Variants in NFATC3 observed in about 807,000 individuals in gnomAD.
The protein encoded by NFATC3 is nuclear factor of activated T-cells, cytoplasmic 3.
NFATC3 carries 46 observed loss-of-function variants against 98.6 expected under a neutral mutation model. That is an observed-to-expected ratio of 0.47 (90% CI 0.37 to 0.60). NFATC3 has a LOEUF of 0.60. Ranked by LOEUF, NFATC3 falls within the 20% of genes least tolerant of loss-of-function variation. The pLI, the probability that NFATC3 is intolerant of heterozygous loss-of-function variation, is 0.00. For synonymous variants in NFATC3, 512 were observed against 472.2 expected (o/e 1.08, Z -1.09); for missense variants, 1,256 against 1,295.5 (o/e 0.97, Z 0.47).
chr16:68,114,746 T>C (rs1429584653), intron 1 of NFATC3, among the ~76,000 whole-genome samples: 2 of 152,106 alleles, frequency 1.3e-5, no homozygotes, highest in Middle Eastern at 3.4e-3. Context: ...AGATAATTTT[T>C]GTATGTTTAG....
intron 1 of NFATC3, among the ~76,000 whole-genome samples, chr16:68,103,322 C>T (rs555783572): frequency 1.3e-5 from 2 of 152,208 alleles, no homozygotes; most frequent in East Asian, 3.9e-4. Flanking sequence ...TAGCTTCCCA[C>T]CTCAGCCTTC....
chr16:68,128,429 TAAAG>T (rs1321983305), intron 3 of NFATC3, among the ~76,000 whole-genome samples: 1 of 152,152 alleles, frequency 6.6e-6, no homozygotes, highest in Non-Finnish European at 1.5e-5. Context: ...TTCATTTTGA[TAAAG>T]TAAGCAGATT....
intron 1 of NFATC3, among the ~76,000 whole-genome samples, chr16:68,118,829 G>A (rs1334252554): frequency 1.3e-5 from 2 of 152,076 alleles, no homozygotes; most frequent in East Asian, 3.9e-4. Flanking sequence ...TTCAGTAATT[G>A]CTGTTCTTTC....
intron 9 of NFATC3, chr16:68,217,824 C>A (rs1041655408): frequency 8.1e-7 from 1 of 1,231,042 alleles, no homozygotes; most frequent in Non-Finnish European, 1.0e-6. Flanking sequence ...ATACGTACAT[C>A]GCTTTTGCTC....
chr16:68,154,491 C>T (rs1309396493), intron 3 of NFATC3, among the ~76,000 whole-genome samples: 1 of 152,106 alleles, frequency 6.6e-6, no homozygotes, highest in Non-Finnish European at 1.5e-5. Context: ...TTCATAGAGG[C>T]TTAATTGATT....
chr16:68,140,277 G>A (rs958916700), intron 3 of NFATC3, among the ~76,000 whole-genome samples: 1 of 152,102 alleles, frequency 6.6e-6, no homozygotes, highest in Non-Finnish European at 1.5e-5. Context: ...GAGCCACTGC[G>A]CCTGGCCAGA....
At chr16:68,167,790 ATC>A (rs1361707229) in intron 5 of NFATC3, among the ~76,000 whole-genome samples, 1 of 72,692 alleles carries the variant, frequency 1.4e-5, no homozygotes, top group Non-Finnish European at 3.2e-5. Context: ...AATGTTTTAT[ATC>A]TGTTAACCGT....
chr16:68,177,103 C>T (rs551625165), intron 6 of NFATC3, among the ~76,000 whole-genome samples: 54 of 150,838 alleles, frequency 3.6e-4, no homozygotes, highest in African/African-American at 9.7e-4. Context: ...CATGCAATGC[C>T]GTGGTGTGGT....
intron 9 of NFATC3, among the ~76,000 whole-genome samples, chr16:68,202,395 C>T (rs1177711305): frequency 2.6e-5 from 4 of 152,128 alleles, no homozygotes; most frequent in Non-Finnish European, 5.9e-5. Flanking sequence ...ATAAACACAA[C>T]ATTCAGGTGG....
intron 4 of NFATC3, among the ~76,000 whole-genome samples, chr16:68,161,011 T>C (rs1280383187): frequency 6.6e-6 from 1 of 152,146 alleles, no homozygotes; most frequent in Admixed American, 6.5e-5. Context: ...TTCTATAATG[T>C]AGAAAGAACT....
chr16:68,098,779 CA>C (rs937359271), intron 1 of NFATC3, among the ~76,000 whole-genome samples: 4 of 152,110 alleles, frequency 2.6e-5, no homozygotes, highest in African/African-American at 9.7e-5. Flanking sequence ...TTATATTTTC[CA>C]AATAACTAAT....
chr16:68,171,049 C>T (rs1392800933), intron 5 of NFATC3, among the ~76,000 whole-genome samples: 1 of 152,074 alleles, frequency 6.6e-6, no homozygotes, highest in Admixed American at 6.6e-5. Context: ...GCTCTGTCGC[C>T]CAGGCTGGAG....
In NFATC3 at chr16:68,226,897, C is replaced by CAAAAAAAAAAAAAAAAAAAA. The variant is rs397955987; in HGVS notation, c.*433_*452dup. The CAAAAAAAAAAAAAAAAAAAA allele has an allele frequency of 1.8e-3, 55 of 30,332 alleles. No individual in the cohort carries two copies. The highest frequency in any genetic ancestry group is 2.6e-3 in the Admixed American group (5 of 1,952). The allele number at this position is 30,332 out of a possible 1,614,324, so 1.9% of individuals were successfully genotyped here. A position where few individuals can be genotyped will look rare whatever the true frequency, so the allele number is the denominator to read the frequency against. On this transcript the variant is annotated 3_prime_UTR_variant, in exon 10 of 10. Transcript: ENST00000346183. ...AACTTTTGATAAGACCTTCTAGAAG[C>CAAAAAAAAAAAAAAAAAAAA]AAAAAAAAAAAAAAAAAAAAAAAAA...
At chr16:68,099,618 A>G (rs1472369833) in intron 1 of NFATC3, among the ~76,000 whole-genome samples, 1 of 150,788 alleles carries the variant, frequency 6.6e-6, no homozygotes, top group Non-Finnish European at 1.5e-5. Context: ...AATAATAATA[A>G]TAATAATAAT....
chr16:68,212,055 T>C (rs2041427792), intron 9 of NFATC3, among the ~76,000 whole-genome samples: 1 of 152,234 alleles, frequency 6.6e-6, no homozygotes, highest in Non-Finnish European at 1.5e-5. Context: ...TATGCTGCTG[T>C]ACCTGTAATC....
At chr16:68,150,380 C>T (rs1232979800) in intron 3 of NFATC3, among the ~76,000 whole-genome samples, 7 of 147,540 alleles carry the variant, frequency 4.7e-5, no homozygotes, top group African/African-American at 1.8e-4. Context: ...AGTTTAAGAC[C>T]AGCCAGGGCA....
intron 3 of NFATC3, among the ~76,000 whole-genome samples, chr16:68,133,763 G>A (rs1018533652): frequency 6.6e-6 from 1 of 150,912 alleles, no homozygotes; most frequent in Non-Finnish European, 1.5e-5. Flanking sequence ...TTTTTTCATT[G>A]CTTTGTGTTA....
At position 68,105,024 on chromosome 16, in the gene NFATC3, G is replaced by C. The variant is rs1598367069; in HGVS notation, c.104-16963G>C. On this transcript the variant is annotated intron_variant, in intron 1 of 9. Transcript: ENST00000346183. ...AGTTTGCTGAGGTTTTTGTTTGTTTGTTTCAGTCTTAAAAAGATGTTGAAT... is the reference window on the plus strand; with the variant it reads ...AGTTTGCTGAGGTTTTTGTTTGTTTCTTTCAGTCTTAAAAAGATGTTGAAT... Among the ~76,000 whole-genome samples, 4 of 150,382 alleles carry C rather than the reference G, an allele frequency of 2.7e-5. 1 individual carries two copies. Among genetic ancestry groups the C allele is most frequent in the Admixed American group, 2.6e-4 (4 of 15,102 alleles).
chr16:68,172,001 A>G (rs73612207), intron 5 of NFATC3, among the ~76,000 whole-genome samples: 1,984 of 151,892 alleles, frequency 0.013, 41 homozygotes, highest in African/African-American at 0.045. Context: ...GTTGGTGACT[A>G]CAGGTACGTT....
Sources: gnomAD v4.1 joint callset for allele counts (sites outside exome capture counted in the v4.1 genomes callset) on GRCh38, gnomAD v4.1.1 for gene constraint, MANE v1.5 for transcripts, NCBI Gene and HGNC (gene_info 2026-07-23, HGNC 2026-07-21) for gene names.